The following ZEB1 variants were observed in gnomAD, a reference collection of about 807,000 sequenced individuals.
ZEB1 encodes the protein zinc finger E-box binding homeobox 1.
In ZEB1, 21 loss-of-function variants were observed where a neutral mutation model predicts 84.9. That is an observed-to-expected ratio of 0.25 (90% CI 0.18 to 0.36). ZEB1 has a LOEUF of 0.36. ZEB1 is among the 10% of genes least tolerant of loss of function. The probability of loss-of-function intolerance (pLI) is 1.00; values close to 1 mark genes in which losing one functional copy is unlikely to be tolerated. For missense variants in ZEB1, 1,104 were observed against 1,330.2 expected, an observed-to-expected ratio of 0.83 and a Z score of 2.65; for synonymous variants, 420 against 471.1, an observed-to-expected ratio of 0.89 and a Z score of 1.41.
intron 1 of ZEB1, among the ~76,000 whole-genome samples, chr10:31,438,213 G>C (rs1193057344): frequency 1.3e-5 from 2 of 152,166 alleles, no homozygotes; most frequent in African/African-American, 4.8e-5. Context: ...GAAGTCACTT[G>C]TGCTGGTGTT....
rs186090361 is a variant in ZEB1, at chr10:31,429,987, C to T, written c.59-31050C>T. Among the ~76,000 whole-genome samples, 508 of 152,098 alleles carry T rather than the reference C, an allele frequency of 3.3e-3. 5 individuals are homozygous for T. The highest frequency in any genetic ancestry group is 0.011 in the African/African-American group (464 of 41,512). ...AACTCCTGACGTCAGGTGATCCACCCGCCTTGGCCTCCCAAAGTGCTGAGA... is the reference window on the plus strand; with the variant it reads ...AACTCCTGACGTCAGGTGATCCACCTGCCTTGGCCTCCCAAAGTGCTGAGA... On this transcript the variant is annotated intron_variant, in intron 1 of 8. Coordinates refer to ENST00000424869, the MANE Select transcript of ZEB1 (RefSeq NM_001174096.2).
intron 1 of ZEB1, chr10:31,361,278 C>T: frequency 6.6e-7 from 1 of 1,512,720 alleles, no homozygotes; most frequent in South Asian, 1.1e-5. Flanking sequence ...CTGCAACCTC[C>T]ACTTCCCGGG....
At chr10:31,455,916 C>G (rs2061156466) in intron 1 of ZEB1, among the ~76,000 whole-genome samples, 1 of 152,064 alleles carries the variant, frequency 6.6e-6, no homozygotes, top group East Asian at 1.9e-4. Flanking sequence ...GGTATATACC[C>G]AAAGGATTAT....
intron 2 of ZEB1, among the ~76,000 whole-genome samples, chr10:31,470,264 T>C (rs1368692284): frequency 1.3e-5 from 2 of 151,402 alleles, no homozygotes; most frequent in African/African-American, 2.4e-5. Context: ...CAAATTACTC[T>C]GAGCTACGGG....
intron 5 of ZEB1, 39 bp downstream of exon 5, chr10:31,510,914 T>A (rs1322832861): frequency 6.3e-7 from 1 of 1,595,352 alleles, no homozygotes. Context: ...CTTTCCAGAT[T>A]TTGACAACTC....
intron 1 of ZEB1, among the ~76,000 whole-genome samples, chr10:31,333,900 G>A (rs1316072606): frequency 6.6e-6 from 1 of 151,960 alleles, no homozygotes; most frequent in Non-Finnish European, 1.5e-5. Flanking sequence ...TAGAAATGTT[G>A]TATGGCTATA....
chr10:31,527,418 C>CACAA lies in ZEB1; in HGVS notation c.*157_*158insAACA, dbSNP rs2073703843. The CACAA allele has an allele frequency of 4.1e-6, 2 of 487,048 alleles. No homozygotes were observed. Among genetic ancestry groups the CACAA allele is most frequent in the Non-Finnish European group, 6.7e-6 (2 of 298,930 alleles). 30.2% of individuals were successfully genotyped at this position (487,048 alleles called of 1,614,324 possible). A position where few individuals can be genotyped will look rare whatever the true frequency, so the allele number is the denominator to read the frequency against. On this transcript the variant is annotated 3_prime_UTR_variant, in exon 9 of 9. Coordinates refer to ENST00000424869, the MANE Select transcript of ZEB1 (RefSeq NM_001174096.2). ...AAAAAAATACAAAATACAAAACACA[C>CACAA]ACACACACACACACACACACACACA...
chr10:31,479,466 A>G (rs1181966954), intron 2 of ZEB1, among the ~76,000 whole-genome samples: 2 of 151,946 alleles, frequency 1.3e-5, no homozygotes, highest in Non-Finnish European at 2.9e-5. Context: ...ATAGGCCAGC[A>G]TCTCTGGTGA....
At chr10:31,319,896 TGCGGCG>T (rs548475989) in intron 1 of ZEB1, 1 of 146,144 alleles carries the variant, frequency 6.8e-6, no homozygotes, top group Non-Finnish European at 1.5e-5. Flanking sequence ...GCAGGCGGGC[TGCGGCG>T]GCGGCGGGAC....
intron 1 of ZEB1, among the ~76,000 whole-genome samples, chr10:31,338,504 T>C (rs11008462): frequency 0.014 from 2,060 of 152,254 alleles, 47 homozygotes; most frequent in South Asian, 0.074. Context: ...ATGAAGTAGA[T>C]CTCTAAGAGG....
intron 3 of ZEB1, among the ~76,000 whole-genome samples, chr10:31,500,149 G>A (rs2067910642): frequency 6.6e-6 from 1 of 151,968 alleles, no homozygotes; most frequent in Non-Finnish European, 1.5e-5. Context: ...AACTATCTTA[G>A]CAACTCTACA....
chr10:31,527,550 C>G lies in ZEB1; in HGVS notation c.*286C>G, dbSNP rs1592151795. The G allele has an allele frequency of 2.4e-6, 1 of 412,022 alleles. No individual in the cohort carries two copies. The highest frequency in any genetic ancestry group is 4.4e-6 in the Non-Finnish European group (1 of 228,042). The allele number at this position is 412,022 out of a possible 1,614,324, so 25.5% of individuals were successfully genotyped here. A position where few individuals can be genotyped will look rare whatever the true frequency, so the allele number is the denominator to read the frequency against. On this transcript the variant is annotated 3_prime_UTR_variant, in exon 9 of 9. Coordinates refer to ENST00000424869, the MANE Select transcript of ZEB1 (RefSeq NM_001174096.2). ...TTGTAACATGCAGCAGATTAGAAAACCTTAATGACTCAGAGAGCAACAATA... is the reference window on the plus strand; with the variant it reads ...TTGTAACATGCAGCAGATTAGAAAAGCTTAATGACTCAGAGAGCAACAATA...
At chr10:31,438,670 T>TATAAAAAAAAAATTTTCTTTAA (rs1327279698) in intron 1 of ZEB1, among the ~76,000 whole-genome samples, 1 of 152,118 alleles carries the variant, frequency 6.6e-6, no homozygotes, top group African/African-American at 2.4e-5. Flanking sequence ...ACCCTGTCTC[T>TATAAAAAAAAAATTTTCTTTAA]ATAAAAAAAA....
intron 1 of ZEB1, among the ~76,000 whole-genome samples, chr10:31,450,072 G>C (rs1377809520): frequency 6.6e-6 from 1 of 152,154 alleles, no homozygotes; most frequent in Non-Finnish European, 1.5e-5. Context: ...TAGACGTGTT[G>C]ATCTAAGTCA....
chr10:31,409,442 C>G (rs995145670), intron 1 of ZEB1, among the ~76,000 whole-genome samples: 3 of 152,008 alleles, frequency 2.0e-5, no homozygotes, highest in African/African-American at 7.2e-5. Context: ...AGTCAGGTAG[C>G]ATGATGCCTT....
chr10:31,470,226 G>C (rs1038969071), intron 2 of ZEB1, among the ~76,000 whole-genome samples: 3 of 152,074 alleles, frequency 2.0e-5, no homozygotes, highest in Admixed American at 6.5e-5. Context: ...CGACTTTGAC[G>C]AGCTGAGAGA....
At chr10:31,466,710 A>G (rs1287655084) in intron 2 of ZEB1, among the ~76,000 whole-genome samples, 1 of 152,220 alleles carries the variant, frequency 6.6e-6, no homozygotes, top group East Asian at 1.9e-4. Context: ...CTAGAAAAAT[A>G]AGAACAAAGT....
chr10:31,319,418 G>A (rs919073935), intron 1 of ZEB1, 126 bp downstream of exon 1: 2 of 880,666 alleles, frequency 2.3e-6, no homozygotes, highest in East Asian at 2.6e-5. Context: ...AGTGGAGTGG[G>A]AAAGTAGAAA....
intron 2 of ZEB1, among the ~76,000 whole-genome samples, chr10:31,481,398 C>T (rs937863561): frequency 6.6e-6 from 1 of 152,008 alleles, no homozygotes; most frequent in Non-Finnish European, 1.5e-5. Flanking sequence ...GATTTAAATA[C>T]CATTCTCCAG....
Sources: gnomAD v4.1 joint callset for allele counts (sites outside exome capture counted in the v4.1 genomes callset) on GRCh38, gnomAD v4.1.1 for gene constraint, MANE v1.5 for transcripts, NCBI Gene and HGNC (gene_info 2026-07-23, HGNC 2026-07-21) for gene names.